AGBL4: variants seen among roughly 807,000 people sequenced by gnomAD.
The protein encoded by AGBL4 is AGBL carboxypeptidase 4, also known as cytosolic carboxypeptidase 6.
A neutral mutation model predicts 66.4 loss-of-function variants in AGBL4; 58 were observed. The observed-to-expected ratio is 0.87, with a 90% CI of 0.71 to 1.09. The LOEUF is 1.09. Among genes scored for constraint, AGBL4 ranks in the 50% least tolerant of loss-of-function variants. AGBL4 has a pLI of 0.00. For synonymous variants in AGBL4, 234 were observed against 222.9 expected (o/e 1.05, Z -0.44); for missense variants, 579 against 631.0 (o/e 0.92, Z 0.88).
intron 5 of AGBL4, among the ~76,000 whole-genome samples, chr1:48,958,571 C>T (rs1657693776): frequency 6.6e-6 from 1 of 152,246 alleles, no homozygotes. Context: ...ACTAGCATTA[C>T]AATCTTTACA....
intron 4 of AGBL4, among the ~76,000 whole-genome samples, chr1:49,193,491 T>C (rs557604451): frequency 7.2e-5 from 11 of 152,114 alleles, no homozygotes; most frequent in African/African-American, 2.4e-4. Context: ...TTAATCTCCA[T>C]GTATTTGCAC....
intron 11 of AGBL4, 103 bp downstream of exon 11, chr1:48,586,901 C>T: frequency 1.4e-6 from 2 of 1,471,574 alleles, no homozygotes; most frequent in Non-Finnish European, 1.9e-6. Flanking sequence ...ACCTGAGAGT[C>T]TCAGCCCTTA....
intron 6 of AGBL4, among the ~76,000 whole-genome samples, chr1:48,835,716 C>A (rs1036662103): frequency 6.6e-6 from 1 of 152,124 alleles, no homozygotes; most frequent in Non-Finnish European, 1.5e-5. Context: ...TTTGCTTTCT[C>A]TATAGAAATG....
At chr1:49,674,101 G>T (rs1382903141) in intron 3 of AGBL4, among the ~76,000 whole-genome samples, 1 of 151,876 alleles carries the variant, frequency 6.6e-6, no homozygotes. Flanking sequence ...AATTTAATAG[G>T]TCGGAAAAAA....
chr1:49,824,123 C>T (rs1645443215), intron 2 of AGBL4, among the ~76,000 whole-genome samples: 1 of 152,060 alleles, frequency 6.6e-6, no homozygotes, highest in Admixed American at 6.6e-5. Context: ...ACGGGAGAAT[C>T]GCTTGAACCC....
chr1:48,815,525 T>G (rs1646152509), intron 6 of AGBL4, among the ~76,000 whole-genome samples: 1 of 152,166 alleles, frequency 6.6e-6, no homozygotes, highest in Non-Finnish European at 1.5e-5. Flanking sequence ...AACAAGTGAC[T>G]TCACTCAGTT....
chr1:49,102,351 A>G (rs1362604797), intron 4 of AGBL4, among the ~76,000 whole-genome samples: 1 of 152,188 alleles, frequency 6.6e-6, no homozygotes, highest in East Asian at 1.9e-4. Flanking sequence ...ATATCAGTAT[A>G]AAGGGGTGGT....
intron 1 of AGBL4, among the ~76,000 whole-genome samples, chr1:49,915,526 G>A (rs1228929550): frequency 1.3e-5 from 2 of 152,186 alleles, no homozygotes; most frequent in Non-Finnish European, 2.9e-5. Context: ...AGGGGGCAGT[G>A]AGGCTGGGGA....
At chr1:48,991,648 G>A (rs1248171262) in intron 5 of AGBL4, among the ~76,000 whole-genome samples, 1 of 151,898 alleles carries the variant, frequency 6.6e-6, no homozygotes, top group Non-Finnish European at 1.5e-5. Flanking sequence ...TAGTCTTGTA[G>A]GTGTGCTATA....
chr1:48,610,140 C>A (rs1645214310), intron 9 of AGBL4, among the ~76,000 whole-genome samples: 1 of 152,218 alleles, frequency 6.6e-6, no homozygotes, highest in African/African-American at 2.4e-5. Context: ...ATAAAAAGAG[C>A]ACGTGCCTAG....
At chr1:48,864,080 ACTC>A (rs1232482092) in intron 6 of AGBL4, among the ~76,000 whole-genome samples, 2 of 152,148 alleles carry the variant, frequency 1.3e-5, no homozygotes, top group Non-Finnish European at 2.9e-5. Flanking sequence ...AGAACAATAA[ACTC>A]CTAAAAATCA....
chr1:48,935,542 G>T (rs997703989), intron 5 of AGBL4, among the ~76,000 whole-genome samples: 7 of 152,028 alleles, frequency 4.6e-5, no homozygotes, highest in African/African-American at 1.7e-4. Flanking sequence ...TTTCTAAGTG[G>T]TAATTTACCT....
intron 4 of AGBL4, among the ~76,000 whole-genome samples, chr1:49,062,207 G>A (rs1644415336): frequency 6.6e-6 from 1 of 152,110 alleles, no homozygotes. Flanking sequence ...ATGGGTTGCT[G>A]GTGCCAAAAA....
intron 4 of AGBL4, among the ~76,000 whole-genome samples, chr1:49,186,839 T>C (rs1647024430): frequency 6.6e-6 from 1 of 152,128 alleles, no homozygotes; most frequent in African/African-American, 2.4e-5. Flanking sequence ...CATAACTGGA[T>C]GGTTGAAACA....
At chr1:48,883,776 G>A (rs1009772599) in intron 5 of AGBL4, among the ~76,000 whole-genome samples, 1 of 152,182 alleles carries the variant, frequency 6.6e-6, no homozygotes, top group African/African-American at 2.4e-5. Flanking sequence ...ATAGTCTACA[G>A]AGTTGGTAAA....
chr1:49,148,998 C>G lies in AGBL4; in HGVS notation c.377+96772G>C, dbSNP rs1646274681. ...CATTTATCTTGGACACAGGAAGCGT[C>G]TAGAGCTCTGAGATACTGATAGTCC... On this transcript the variant is annotated intron_variant, in intron 4 of 13. Transcript: ENST00000371839. Among the ~76,000 whole-genome samples the G allele has an allele frequency of 2.0e-5, 3 of 152,206 alleles. No homozygotes were observed. The South Asian group carries it at 6.2e-4, about 32-fold the overall frequency.
intron 11 of AGBL4, among the ~76,000 whole-genome samples, chr1:48,558,901 T>G (rs1302307977): frequency 1.3e-5 from 2 of 152,204 alleles, no homozygotes; most frequent in Non-Finnish European, 2.9e-5. Context: ...TGGAGTTTGT[T>G]TCATCACACC....
intron 1 of AGBL4, among the ~76,000 whole-genome samples, chr1:49,857,006 T>C (rs1404807931): frequency 6.6e-6 from 1 of 150,872 alleles, no homozygotes; most frequent in Non-Finnish European, 1.5e-5. Flanking sequence ...AAAAAACTGT[T>C]GAAACTGATA....
intron 2 of AGBL4, among the ~76,000 whole-genome samples, chr1:49,731,681 C>T (rs1191493710): frequency 1.3e-5 from 2 of 151,886 alleles, no homozygotes; most frequent in African/African-American, 4.8e-5. Context: ...CCAGGAAGTA[C>T]TCTAAATATA....
Sources: allele counts gnomAD v4.1 joint callset (sites outside exome capture counted in the v4.1 genomes callset), GRCh38; gene constraint gnomAD v4.1.1; transcripts MANE v1.5; gene names NCBI Gene and HGNC (gene_info 2026-07-23, HGNC 2026-07-21).